RTEL1: variants seen among roughly 807,000 people sequenced by gnomAD.
RTEL1 encodes the protein regulator of telomere length.
RTEL1 carries 86 observed loss-of-function variants against 162.2 expected under a neutral mutation model. The observed-to-expected ratio is 0.53, with a 90% confidence interval of 0.45 to 0.63. The LOEUF is 0.63. Among genes scored for constraint, RTEL1 ranks in the 30% least tolerant of loss-of-function variants. The pLI is 0.00. For synonymous variants in RTEL1, 958 were observed against 717.9 expected (o/e 1.33, Z -5.35); for missense variants, 1,941 against 1,750.2 (o/e 1.11, Z -1.95).
rs766185347 is a variant in RTEL1 at position 63,692,999 on chromosome 20, C to T, written c.2847C>T (p.Leu949=). 4.3e-6 allele frequency: 7 copies of T among 1,612,402 alleles called. No individual in the cohort carries two copies. In the African/African-American group the frequency reaches 8.0e-5, roughly 18 times the overall value. The part of the protein sequence containing the change: ...FAEDPKKHNL[L]QGFYQFVRPH... ...AGGACCCCAAGAAGCACAACCTGCT[C>T]CAAGGTGCCCTGGCTTGCAGAGGCC... Residue 949 remains leucine (L), a synonymous_variant, in exon 29 of 35, where the codon CTC becomes CTT. Coordinates refer to ENST00000360203, the MANE Select transcript of RTEL1 (RefSeq NM_001283009.2).
intron 27 of RTEL1, 65 bp from the exon 28 acceptor site, chr20:63,691,677 G>T: frequency 7.0e-7 from 1 of 1,424,020 alleles, no homozygotes; most frequent in Non-Finnish European, 9.8e-7. Flanking sequence ...GTGCGTCCAG[G>T]TGCTTTGGGA....
Position 63,694,998 on chromosome 20 carries a change from C to A in RTEL1, c.3343+24C>A, listed in dbSNP as rs566736524. On this transcript the variant is annotated intron_variant, in intron 32 of 34. Coordinates refer to ENST00000360203, the MANE Select transcript of RTEL1 (RefSeq NM_001283009.2). ...CAGCAAGTGGCCCTGGCGTGGGGAACAGCCGGTGGGGTGGGGGGCAGGGGA... is the reference window on the plus strand; with the variant it reads ...CAGCAAGTGGCCCTGGCGTGGGGAAAAGCCGGTGGGGTGGGGGGCAGGGGA... 58 of 1,610,746 alleles carry A rather than the reference C, an allele frequency of 3.6e-5. No homozygotes were observed. The South Asian group carries it at 5.6e-4, about 16-fold the overall frequency.
rs376411169 is a variant in RTEL1 at position 63,679,934 on chromosome 20, C to T, written c.1123C>T (p.His375Tyr). The change falls in exon 13 of 35, where the codon CAC becomes TAC. Residue 375 changes from histidine (H) to tyrosine (Y), a missense_variant. His to Tyr is a moderately conservative substitution (Grantham distance 83). Coordinates refer to ENST00000360203, the MANE Select transcript of RTEL1 (RefSeq NM_001283009.2). ...GGACTCGCTGGACCAGATCATCCAG[C>T]ACCTGGCAGGACGTGAGTGCTGGCA... ...ILDSLDQIIQ[H>Y]LAGRAGVFTN... The T allele has an allele frequency of 9.9e-6, 16 of 1,611,834 alleles. No individual in the cohort carries two copies. The highest frequency in any genetic ancestry group is 1.3e-5 in the Non-Finnish European group (15 of 1,179,394).
At chr20:63,671,446 C>T (rs1251263450) in intron 8 of RTEL1, among the ~76,000 whole-genome samples, 1 of 152,138 alleles carries the variant, frequency 6.6e-6, no homozygotes, top group East Asian at 1.9e-4. Context: ...CACATAACTG[C>T]CAGAACTCAG....
intron 13 of RTEL1, 43 bp from the exon 14 acceptor site, chr20:63,680,621 C>G (rs1307462490): frequency 6.2e-7 from 1 of 1,607,962 alleles, no homozygotes; most frequent in East Asian, 2.2e-5. Flanking sequence ...GTCGGGGCCT[C>G]CCCTGCCTGC....
intron 14 of RTEL1, chr20:63,682,374 ACT>A (rs1281974485): frequency 1.0e-6 from 1 of 984,818 alleles, no homozygotes; most frequent in Admixed American, 6.2e-5. Context: ...AAGACTCCAC[ACT>A]CTGGAACCGG....
chr20:63,692,175 G>A (rs1255833965), intron 28 of RTEL1: 3 of 259,790 alleles, frequency 1.2e-5, no homozygotes, highest in East Asian at 2.0e-4. Flanking sequence ...ATCAAAGAAC[G>A]GAGTTATAGC....
At position 63,665,986 on chromosome 20, in the gene RTEL1, C is replaced by T. The variant is rs764034939; in HGVS notation, c.539-18C>T. On this transcript the variant is annotated intron_variant, in intron 6 of 34. Transcript: ENST00000360203. ...TGGACCCTGAGGGTGTGTGTTTACC[C>T]CTGCCTCACACCTGCAGAAAAAAGC... The T allele has an allele frequency of 1.2e-6, 2 of 1,612,574 alleles. No homozygotes were observed. Among genetic ancestry groups the T allele is most frequent in the Non-Finnish European group, 1.7e-6 (2 of 1,178,764 alleles).
At chr20:63,694,276 G>A in intron 30 of RTEL1, 96 bp from the exon 31 acceptor site, 2 of 1,098,504 alleles carry the variant, frequency 1.8e-6, no homozygotes, top group East Asian at 2.4e-5. Flanking sequence ...TCTGAGGTGG[G>A]TGAGGCCTGG....
chr20:63,667,692 C>T, intron 8 of RTEL1, 139 bp downstream of exon 8: 1 of 721,100 alleles, frequency 1.4e-6, no homozygotes, highest in Non-Finnish European at 2.5e-6. Context: ...TGTCACTGGG[C>T]AGGGGCTCAA....
In RTEL1 at chr20:63,687,666, T is replaced by C. The variant is rs1178508133; in HGVS notation, c.1377T>C (p.Ser459=). 6.2e-7 allele frequency: 1 copy of C among 1,609,640 alleles called. No individual in the cohort carries two copies. The highest frequency in any genetic ancestry group is 1.1e-5 in the South Asian group (1 of 90,708). ...RGKVLSYWCF[S]PGHSMHELVR... ...AGGTGCTGAGCTACTGGTGCTTCAG[T>C]CCCGGCCACAGCATGCACGAGCTGG... is the stretch of plus-strand genomic sequence containing the variant. Residue 459 remains serine, a synonymous_variant, in exon 17 of 35, where the codon AGT becomes AGC. Coordinates refer to ENST00000360203, the MANE Select transcript of RTEL1 (RefSeq NM_001283009.2).
At chr20:63,680,616 G>T (rs1238852857) in intron 13 of RTEL1, 48 bp from the exon 14 acceptor site, 1 of 1,602,252 alleles carries the variant, frequency 6.2e-7, no homozygotes, top group Admixed American at 1.7e-5. Flanking sequence ...CTGGGGTCGG[G>T]GCCTCCCCTG....
chr20:63,687,331 A>G (rs1235390318), intron 16 of RTEL1: 2 of 316,364 alleles, frequency 6.3e-6, no homozygotes, highest in Non-Finnish European at 1.2e-5. Flanking sequence ...CCTGAGCCGC[A>G]TGTCACAGTT....
At chr20:63,694,552 C>A in intron 31 of RTEL1, 64 bp downstream of exon 31, 1 of 1,391,570 alleles carries the variant, frequency 7.2e-7, no homozygotes, top group Non-Finnish European at 1.0e-6. Flanking sequence ...CTTCACGAGG[C>A]TAACTCTTGA....
chr20:63,684,392 T>C (rs1403031844), intron 14 of RTEL1, among the ~76,000 whole-genome samples: 4 of 152,200 alleles, frequency 2.6e-5, no homozygotes, highest in Non-Finnish European at 5.9e-5. Context: ...TTGCTCTTGT[T>C]GCCCAGGCTG....
chr20:63,692,114 G>A (rs1301356563), intron 28 of RTEL1: 2 of 414,778 alleles, frequency 4.8e-6, no homozygotes, highest in Non-Finnish European at 8.9e-6. Context: ...TCCCTCAAGT[G>A]TGGATGCACA....
intron 14 of RTEL1, chr20:63,681,793 C>T: frequency 1.0e-6 from 1 of 985,392 alleles, no homozygotes; most frequent in Non-Finnish European, 1.2e-6. Context: ...CAGCCTGTGT[C>T]TTCTCTGTGC....
intron 21 of RTEL1, chr20:63,688,817 C>CT: frequency 1.6e-6 from 1 of 633,620 alleles, no homozygotes; most frequent in Non-Finnish European, 2.7e-6. Flanking sequence ...AGTGGCCCTC[C>CT]TGTCTGAGTA....
At chr20:63,680,059 C>A in intron 13 of RTEL1, 113 bp downstream of exon 13, 1 of 695,946 alleles carries the variant, frequency 1.4e-6, no homozygotes, top group Non-Finnish European at 2.4e-6. Context: ...TCAGCAGGAA[C>A]AGGCCCACAG....
Sources: gnomAD v4.1 joint callset for allele counts (sites outside exome capture counted in the v4.1 genomes callset) on GRCh38, gnomAD v4.1.1 for gene constraint, MANE v1.5 for transcripts, NCBI Gene and HGNC (gene_info 2026-07-23, HGNC 2026-07-21) for gene names.